JADE2: variants seen among roughly 807,000 people sequenced by gnomAD.
JADE2 encodes E3 ubiquitin-protein ligase Jade-2.
A neutral mutation model predicts 85.7 loss-of-function variants in JADE2; 13 were observed. The ratio of observed to expected loss-of-function variants is 0.15; its 90% CI spans 0.10 to 0.24. The LOEUF is 0.24. Ranked by LOEUF, JADE2 falls within the 10% of genes least tolerant of loss-of-function variation. The pLI, the probability that JADE2 is intolerant of heterozygous loss-of-function variation, is 1.00. For missense variants in JADE2, 846 were observed against 1,115.9 expected (o/e 0.76, Z 3.45); for synonymous variants, 440 against 456.1 (o/e 0.96, Z 0.45).
At chr5:134,568,076 CA>C (rs1763758478) in intron 9 of JADE2, among the ~76,000 whole-genome samples, 1 of 152,196 alleles carries the variant, frequency 6.6e-6, no homozygotes, top group African/African-American at 2.4e-5. Context: ...TACTGTTTCC[CA>C]AACAACCCCT....
chr5:134,542,834 G>A (rs1028565898), intron 3 of JADE2, among the ~76,000 whole-genome samples: 1 of 152,074 alleles, frequency 6.6e-6, no homozygotes, highest in African/African-American at 2.4e-5. Context: ...CTGGGTTGAA[G>A]AGATTCTCTT....
chr5:134,525,094 CA>C (rs1760718822), upstream of JADE2, among the ~76,000 whole-genome samples: 1 of 151,772 alleles, frequency 6.6e-6, no homozygotes, highest in Admixed American at 6.6e-5. Context: ...CTTTTTGACG[CA>C]GGGAGAAATG....
intron 3 of JADE2, chr5:134,544,375 A>T (rs1054937591): frequency 6.1e-6 from 1 of 165,236 alleles, no homozygotes; most frequent in African/African-American, 2.4e-5. Flanking sequence ...GGCTTTGCCA[A>T]AACACCCAGG....
intron 1 of JADE2, 56 bp downstream of exon 1, chr5:134,526,067 G>C: frequency 2.0e-6 from 2 of 985,170 alleles, no homozygotes; most frequent in Non-Finnish European, 2.4e-6. Context: ...GTTATTTGGC[G>C]TTTTTGCAAC....
rs1764514229 is a variant in JADE2 at position 134,578,385 on chromosome 5, G to T, written c.1682-109G>T. ...TAGCTCACCTGGGTCTGGCACAGGG[G>T]GACAGAGAGAAGACGATGCCTGGTG... is the stretch of plus-strand genomic sequence containing the variant. On this transcript the variant is annotated intron_variant, in intron 11 of 11. Coordinates refer to ENST00000681547, the MANE Select transcript of JADE2 (RefSeq NM_001388185.1). This position sits in a 1 kb window ranked among gnomAD's most constrained non-coding sequence, Gnocchi z 4.4. 1.9e-5 allele frequency: 16 copies of T among 823,420 alleles called. No individual in the cohort carries two copies. The highest frequency in any genetic ancestry group is 2.6e-5 in the Non-Finnish European group (13 of 507,446). The allele number at this position is 823,420 out of a possible 1,614,324, so 51.0% of individuals were successfully genotyped here.
Position 134,576,871 on chromosome 5 carries a change from G to C in JADE2, c.1656G>C (p.Gly552=). 1 of 1,547,444 alleles carries C rather than the reference G, an allele frequency of 6.5e-7. No homozygotes were observed. The highest frequency in any genetic ancestry group is 8.7e-7 in the Non-Finnish European group (1 of 1,145,316). The part of the protein sequence containing the change: ...STEKKEKVKA[G]PDSVLGQLAG... ...AGAAGAAAGAGAAAGTGAAGGCGGG[G>C]CCTGACTCAGTCCTGGGGCAGCTGG... is the stretch of plus-strand genomic sequence containing the variant. The change falls in exon 11 of 12, where the codon GGG becomes GGC. Residue 552 remains glycine (G), a synonymous_variant. Transcript: ENST00000681547.
At chr5:134,564,380 G>A in intron 7 of JADE2, 114 bp from the exon 8 acceptor site, 1 of 618,984 alleles carries the variant, frequency 1.6e-6, no homozygotes, top group Admixed American at 3.4e-5. Flanking sequence ...CAGGGGCTCA[G>A]CCACTGCCCT....
intron 1 of JADE2, among the ~76,000 whole-genome samples, chr5:134,534,850 G>A (rs376219324): frequency 7.2e-5 from 11 of 152,320 alleles, no homozygotes; most frequent in Admixed American, 2.6e-4. Flanking sequence ...GCAGGTTAAC[G>A]CATCACCTGC....
rs1328402725 is a variant in JADE2 at position 134,582,800 on chromosome 5, T to G, written c.*3483T>G. The G allele has an allele frequency of 6.6e-6, 1 of 152,618 alleles. No individual in the cohort carries two copies. Among genetic ancestry groups the G allele is most frequent in the Non-Finnish European group, 1.5e-5 (1 of 68,038 alleles). The allele number at this position is 152,618 out of a possible 1,614,324, so 9.5% of individuals were successfully genotyped here. A position where few individuals can be genotyped will look rare whatever the true frequency, so the allele number is the denominator to read the frequency against. On this transcript the variant is annotated 3_prime_UTR_variant, in exon 12 of 12. Transcript: ENST00000681547. Reference sequence around the variant, plus strand: ...TCACAGGAGGAGACACCTTCTGTCTTTGTTTCAAAGAAAGTGATGTGCCAT... The same window carrying G: ...TCACAGGAGGAGACACCTTCTGTCTGTGTTTCAAAGAAAGTGATGTGCCAT...
At chr5:134,572,193 C>T (rs2150011063) in intron 9 of JADE2, among the ~76,000 whole-genome samples, 1 of 152,214 alleles carries the variant, frequency 6.6e-6, no homozygotes, top group East Asian at 1.9e-4. Flanking sequence ...TGGTTGCAGC[C>T]CAGGGTGGCC....
intron 11 of JADE2, 145 bp downstream of exon 11, chr5:134,577,041 GCA>G: frequency 1.1e-6 from 1 of 884,826 alleles, no homozygotes; most frequent in Non-Finnish European, 1.7e-6. Context: ...TTGCCCAGGT[GCA>G]CACACCTTCC....
At chr5:134,525,516 C>G, upstream of JADE2, 1 of 301,706 alleles carries the variant, frequency 3.3e-6, no homozygotes, top group Non-Finnish European at 6.0e-6. Context: ...GGGGGGGCGG[C>G]GACGGGGGTG....
Position 134,559,734 on chromosome 5 carries a change from C to T in JADE2, c.312-96C>T, listed in dbSNP as rs1037428566. On this transcript the variant is annotated intron_variant, in intron 4 of 11. Transcript: ENST00000681547. ...TGTGTGGTGTCAAAGCACACTTGTC[C>T]ATCAGCTCCTGAGCTGGACTGGTCA... is the stretch of plus-strand genomic sequence containing the variant. The T allele has an allele frequency of 4.0e-6, 5 of 1,252,414 alleles. No individual in the cohort carries two copies. The African/African-American group carries it at 4.5e-5, about 11-fold the overall frequency. The allele number at this position is 1,252,414 out of a possible 1,614,324, so 77.6% of individuals were successfully genotyped here.
chr5:134,564,313 A>T lies in JADE2; in HGVS notation c.853-181A>T, dbSNP rs1465240159. 1.7e-5 allele frequency: 9 copies of T among 529,102 alleles called. 1 individual carries two copies. The highest frequency in any genetic ancestry group is 1.4e-4 in the South Asian group (6 of 41,948). 32.8% of individuals were successfully genotyped at this position (529,102 alleles called of 1,614,324 possible). A position where few individuals can be genotyped will look rare whatever the true frequency, so the allele number is the denominator to read the frequency against. ...ATCCAGTGGTGAGCTTGGGAGAGTGAGGAGGAATTCCGGCCTTTGAGCCAT... is the reference window on the plus strand; with the variant it reads ...ATCCAGTGGTGAGCTTGGGAGAGTGTGGAGGAATTCCGGCCTTTGAGCCAT... On this transcript the variant is annotated intron_variant, in intron 7 of 11. Coordinates refer to ENST00000681547, the MANE Select transcript of JADE2 (RefSeq NM_001388185.1).
chr5:134,554,108 T>C (rs897998636), intron 4 of JADE2, among the ~76,000 whole-genome samples: 8 of 152,106 alleles, frequency 5.3e-5, no homozygotes, highest in Non-Finnish European at 8.8e-5. Flanking sequence ...ATCACAGCTG[T>C]TACCTCCCCT....
intron 7 of JADE2, among the ~76,000 whole-genome samples, chr5:134,563,438 G>C (rs182350420): frequency 1.3e-5 from 2 of 152,168 alleles, no homozygotes; most frequent in Non-Finnish European, 1.5e-5. Context: ...GGAGTGCCAC[G>C]GGCAACAGGC....
At chr5:134,531,979 T>C (rs1761278554) in intron 1 of JADE2, among the ~76,000 whole-genome samples, 1 of 130,432 alleles carries the variant, frequency 7.7e-6, no homozygotes, top group Non-Finnish European at 1.6e-5. Flanking sequence ...CACTGCAACC[T>C]CAACCTCCTG....
chr5:134,578,771 A>G lies in JADE2; in HGVS notation c.1959A>G (p.Pro653=). 1 of 1,613,546 alleles carries G rather than the reference A, an allele frequency of 6.2e-7. No homozygotes were observed. The highest frequency in any genetic ancestry group is 8.5e-7 in the Non-Finnish European group (1 of 1,179,956). ...CTGCCAAGAAGAAACCACCACCACC[A>G]CCACCGCAGGACGGGCCTGGTTCAC... ...RLPAKKKPPP[P]PPQDGPGSRT... Residue 653 remains proline (P), a synonymous_variant, in exon 12 of 12, where the codon CCA becomes CCG. Coordinates refer to ENST00000681547, the MANE Select transcript of JADE2 (RefSeq NM_001388185.1). This position sits in a 1 kb window ranked among gnomAD's most constrained non-coding sequence, Gnocchi z 4.4.
At chr5:134,542,933 A>G (rs529971031) in intron 3 of JADE2, among the ~76,000 whole-genome samples, 160 of 151,442 alleles carry the variant, frequency 1.1e-3, no homozygotes, top group African/African-American at 3.7e-3. Flanking sequence ...GGGTTTAGCC[A>G]TGTTGGCCAG....
Sources: allele counts gnomAD v4.1 joint callset (sites outside exome capture counted in the v4.1 genomes callset), GRCh38; gene constraint gnomAD v4.1.1; non-coding constraint Gnocchi (gnomAD v3.1); transcripts MANE v1.5; gene names NCBI Gene and HGNC (gene_info 2026-07-23, HGNC 2026-07-21).